Variants in LIMCH1 observed in about 807,000 individuals in gnomAD.
LIMCH1 encodes the protein LIM and calponin homology domains-containing protein 1.
LIMCH1 carries 113 observed loss-of-function variants against 176.5 expected under a neutral mutation model. That is an observed-to-expected ratio of 0.64 (90% CI 0.55 to 0.75). LIMCH1 has a LOEUF of 0.75. Among genes scored for constraint, LIMCH1 ranks in the 30% least tolerant of loss-of-function variants. LIMCH1 has a pLI of 0.00. For missense variants in LIMCH1, 1,674 were observed against 1,814.9 expected (o/e 0.92, Z 1.41); for synonymous variants, 619 against 645.9 (o/e 0.96, Z 0.63).
chr4:41,422,453 G>T (rs566008175), intron 1 of LIMCH1, among the ~76,000 whole-genome samples: 1 of 152,242 alleles, frequency 6.6e-6, no homozygotes, highest in South Asian at 2.1e-4. Context: ...CTCCCAAAGT[G>T]CTGGGATTAC....
intron 1 of LIMCH1, among the ~76,000 whole-genome samples, chr4:41,550,185 G>C (rs949719260): frequency 1.3e-5 from 2 of 151,460 alleles, no homozygotes; most frequent in African/African-American, 4.8e-5. Context: ...TGATTATCCT[G>C]TTTACAAGGT....
At chr4:41,695,727 A>G (rs763358076) in intron 31 of LIMCH1, among the ~76,000 whole-genome samples, 1 of 152,048 alleles carries the variant, frequency 6.6e-6, no homozygotes, top group Admixed American at 6.6e-5. Context: ...GCTAATTTCA[A>G]TTAAGTTAAC....
At chr4:41,486,908 A>G (rs1371438461) in intron 1 of LIMCH1, among the ~76,000 whole-genome samples, 4 of 151,534 alleles carry the variant, frequency 2.6e-5, no homozygotes, top group Non-Finnish European at 5.9e-5. Context: ...CAGCTTCCCA[A>G]GTAGCTGGGA....
chr4:41,388,180 G>A (rs1561207597), intron 1 of LIMCH1, among the ~76,000 whole-genome samples: 1 of 152,182 alleles, frequency 6.6e-6, no homozygotes, highest in East Asian at 1.9e-4. Context: ...GAAAACATAT[G>A]TGCCTACAAT....
At chr4:41,612,805 T>C (rs2091591910) in intron 4 of LIMCH1, 2 of 1,024,608 alleles carry the variant, frequency 2.0e-6, no homozygotes, top group Non-Finnish European at 2.8e-6. Flanking sequence ...GCCTGGATTC[T>C]TCTGAGGCAT....
At chr4:41,607,117 A>G (rs2090836658) in intron 4 of LIMCH1, among the ~76,000 whole-genome samples, 1 of 152,220 alleles carries the variant, frequency 6.6e-6, no homozygotes, top group Non-Finnish European at 1.5e-5. Context: ...CATTTTGGAT[A>G]AAGTCCACAT....
Position 41,546,253 on chromosome 4 carries a change from C to G in LIMCH1, c.-241+7903C>G, listed in dbSNP as rs534996494. 1.8e-4 allele frequency among the ~76,000 whole-genome samples: 27 copies of G among 152,116 alleles called. 1 individual carries two copies. Among genetic ancestry groups the G allele is most frequent in the African/African-American group, 4.6e-4 (19 of 41,468 alleles). On this transcript the variant is annotated intron_variant, in intron 1 of 31. Transcript: ENST00000503057. ...TCCCTGGTTCAAGCAATTCTCCTGC[C>G]TCACCCTCCCAAGTAGCTGGGAGTA...
At chr4:41,490,393 G>A (rs73142550) in intron 1 of LIMCH1, among the ~76,000 whole-genome samples, 9,573 of 151,780 alleles carry the variant, frequency 0.063, 388 homozygotes, top group East Asian at 0.11. Context: ...TGAGAACAAA[G>A]GTCTCTGGTT....
intron 1 of LIMCH1, among the ~76,000 whole-genome samples, chr4:41,434,145 G>A (rs2061848524): frequency 6.6e-6 from 1 of 152,232 alleles, no homozygotes; most frequent in South Asian, 2.1e-4. Flanking sequence ...GAAGGAGCCA[G>A]ATGTTCTGGA....
intron 1 of LIMCH1, among the ~76,000 whole-genome samples, chr4:41,452,486 C>A (rs1561417102): frequency 6.6e-6 from 1 of 152,210 alleles, no homozygotes; most frequent in Non-Finnish European, 1.5e-5. Context: ...TGCTATATTT[C>A]AGTTTCAGTT....
rs915329978 is a variant in LIMCH1 at position 41,473,055 on chromosome 4, C to T, written c.97-21481C>T. The T allele has an allele frequency of 6.1e-6, 6 of 984,868 alleles. No homozygotes were observed. In the African/African-American group the frequency reaches 1.1e-4, roughly 17 times the overall value. 61.0% of individuals were successfully genotyped at this position (984,868 alleles called of 1,614,324 possible). ...TCTCCACGAAATAATAATGTAATTC[C>T]ATTCAAGACAAGAGGTGAAGAACAG... On this transcript the variant is annotated intron_variant, in intron 1 of 26. Coordinates refer to the LIMCH1 transcript ENST00000313860.
chr4:41,499,173 TCCC>T (rs1417011624), intron 2 of LIMCH1, among the ~76,000 whole-genome samples: 2 of 152,174 alleles, frequency 1.3e-5, no homozygotes, highest in Non-Finnish European at 2.9e-5. Flanking sequence ...ACAAGTTTTC[TCCC>T]CCACCTTTTT....
chr4:41,649,098 G>T (rs2094184917), intron 17 of LIMCH1, among the ~76,000 whole-genome samples: 1 of 152,058 alleles, frequency 6.6e-6, no homozygotes, highest in African/African-American at 2.4e-5. Context: ...TCTTTTAAAA[G>T]ATTTTAAAAG....
At chr4:41,617,089 A>C (rs1255338221) in intron 5 of LIMCH1, among the ~76,000 whole-genome samples, 1 of 151,990 alleles carries the variant, frequency 6.6e-6, no homozygotes, top group African/African-American at 2.4e-5. Context: ...ATCTATATCT[A>C]TATATGTGTG....
intron 2 of LIMCH1, among the ~76,000 whole-genome samples, chr4:41,601,921 A>G (rs897057814): frequency 6.6e-6 from 1 of 152,130 alleles, no homozygotes; most frequent in African/African-American, 2.4e-5. Flanking sequence ...CTGTAGACAC[A>G]GAGAGGAGCA....
intron 2 of LIMCH1, among the ~76,000 whole-genome samples, chr4:41,507,810 T>C (rs1482759636): frequency 6.9e-6 from 1 of 143,954 alleles, no homozygotes; most frequent in Non-Finnish European, 1.5e-5. Flanking sequence ...GTGTGGTAAG[T>C]TACTGTAAAG....
chr4:41,475,718 T>TG (rs1474638896), intron 1 of LIMCH1, among the ~76,000 whole-genome samples: 1 of 143,302 alleles, frequency 7.0e-6, no homozygotes, highest in Non-Finnish European at 1.5e-5. Context: ...TGTTGGAGGG[T>TG]GGGGGGCAAG....
intron 1 of LIMCH1, among the ~76,000 whole-genome samples, chr4:41,582,026 G>C (rs1428811827): frequency 6.6e-6 from 1 of 151,996 alleles, no homozygotes; most frequent in Non-Finnish European, 1.5e-5. Flanking sequence ...GGACACATAG[G>C]TTGTTCCCAT....
At chr4:41,621,136 TC>T (rs1490323426) in intron 7 of LIMCH1, among the ~76,000 whole-genome samples, 1 of 152,204 alleles carries the variant, frequency 6.6e-6, no homozygotes, top group African/African-American at 2.4e-5. Flanking sequence ...GCTTACAAAA[TC>T]CACTTACTTT....
Sources: gnomAD v4.1 joint callset for allele counts (sites outside exome capture counted in the v4.1 genomes callset) on GRCh38, gnomAD v4.1.1 for gene constraint, MANE v1.5 for transcripts, NCBI Gene and HGNC (gene_info 2026-07-23, HGNC 2026-07-21) for gene names.